The following CBLB variants were observed in gnomAD, a reference collection of about 807,000 sequenced individuals.
CBLB encodes the protein E3 ubiquitin-protein ligase CBL-B.
Under a neutral mutation model 104.9 loss-of-function variants are expected in CBLB, and 31 were observed. The ratio of observed to expected loss-of-function variants is 0.30; its 90% confidence interval spans 0.22 to 0.40. The LOEUF is 0.40. Ranked by LOEUF, CBLB falls within the 10% of genes least tolerant of loss-of-function variation. The pLI is 1.00. For synonymous variants in CBLB, 440 were observed against 422.6 expected, an observed-to-expected ratio of 1.04 and a Z score of -0.51; for missense variants, 1,062 against 1,214.6, an observed-to-expected ratio of 0.87 and a Z score of 1.87.
In CBLB at chr3:105,670,258, G is replaced by A. The variant is rs1699511616; in HGVS notation, c.2664C>T (p.Asp888=). 1 of 1,613,002 alleles carries A rather than the reference G, an allele frequency of 6.2e-7. No homozygotes were observed. Among genetic ancestry groups the A allele is most frequent in the Non-Finnish European group, 8.5e-7 (1 of 1,179,284 alleles). The change falls in exon 18 of 19, where the codon GAC becomes GAT. Residue 888 remains aspartate, a synonymous_variant. Coordinates refer to ENST00000394030, the MANE Select transcript of CBLB (RefSeq NM_170662.5). ...CTGAACATGAAGGAAGCTGATCATAGTCCTGTGATGTTCTGTTAGTTTTGA... is the reference window on the plus strand; with the variant it reads ...CTGAACATGAAGGAAGCTGATCATAATCCTGTGATGTTCTGTTAGTTTTGA... ...ENVKTNRTSQ[D]YDQLPSCSDG... is the part of the protein sequence containing the mutation.
At chr3:105,662,869 C>T (rs915013333) in intron 18 of CBLB, among the ~76,000 whole-genome samples, 1 of 152,144 alleles carries the variant, frequency 6.6e-6, no homozygotes, top group African/African-American at 2.4e-5. Flanking sequence ...TGTGGCCGAC[C>T]GCCACTGCTA....
intron 7 of CBLB, among the ~76,000 whole-genome samples, chr3:105,739,432 G>A (rs1349994601): frequency 6.6e-6 from 1 of 152,100 alleles, no homozygotes; most frequent in Non-Finnish European, 1.5e-5. Flanking sequence ...GCAAGGCAGA[G>A]GGGAAGAAAA....
intron 5 of CBLB, among the ~76,000 whole-genome samples, chr3:105,746,675 C>G (rs2076130136): frequency 6.6e-6 from 1 of 152,158 alleles, no homozygotes; most frequent in Admixed American, 6.6e-5. Flanking sequence ...TACCTCTTGC[C>G]ATATTCTTCA....
chr3:105,746,266 C>T (rs1046926553), intron 5 of CBLB, among the ~76,000 whole-genome samples: 4 of 152,098 alleles, frequency 2.6e-5, no homozygotes, highest in Admixed American at 6.5e-5. Flanking sequence ...GAAGAGAATA[C>T]AGAGAACAAA....
chr3:105,754,529 G>GAGAGAGAGAGAGAGAGAC (rs2076894475), intron 4 of CBLB, among the ~76,000 whole-genome samples: 36 of 84,626 alleles, frequency 4.3e-4, no homozygotes, highest in African/African-American at 1.5e-3. Context: ...GAGACAGAGA[G>GAGAGAGAGAGAGAGAGAC]AGAGAGAGAG....
intron 16 of CBLB, among the ~76,000 whole-genome samples, chr3:105,680,737 T>C (rs76229410): frequency 0.022 from 3,404 of 152,336 alleles, 88 homozygotes; most frequent in East Asian, 0.12. Context: ...AGCTTGTAAA[T>C]TGACTTTCAT....
At chr3:105,802,699 A>T (rs955400544) in intron 3 of CBLB, among the ~76,000 whole-genome samples, 1 of 98,278 alleles carries the variant, frequency 1.0e-5, no homozygotes, top group South Asian at 4.4e-4. Context: ...ACACACCTTC[A>T]ATCTGTACTT....
At position 105,659,165 on chromosome 3, in the gene CBLB, G is replaced by C. The variant is rs1177742521; in HGVS notation, c.2754C>G (p.His918Gln). Residue 918 changes from histidine (H) to glutamine (Q), a missense_variant, in exon 19 of 19, where the codon CAC becomes CAG. Physicochemically the swap from His to Gln is conservative, Grantham distance 24 (BLOSUM62 0). This residue lies in a region of CBLB where 605 missense variants were observed against 582.6 expected (regional missense o/e 1.04). Transcript: ENST00000394030. ...CCTCAGGCCCATGGGGTTTTCTGTG[G>C]TGAATTTCTGGTGCAGTCCTGCGCG... ...PRPRRTAPEI[H>Q]HRKPHGPEAA... 8 of 1,613,986 alleles carry C rather than the reference G, an allele frequency of 5.0e-6. No individual in the cohort carries two copies. Among genetic ancestry groups the C allele is most frequent in the Non-Finnish European group, 6.8e-6 (8 of 1,179,928 alleles).
chr3:105,739,363 G>A (rs908259645), intron 7 of CBLB, among the ~76,000 whole-genome samples: 1 of 151,878 alleles, frequency 6.6e-6, no homozygotes, highest in African/African-American at 2.4e-5. Flanking sequence ...TTTCCTTCTA[G>A]GTTTCTACCA....
chr3:105,732,769 C>T (rs2074452023), intron 9 of CBLB, among the ~76,000 whole-genome samples: 1 of 152,130 alleles, frequency 6.6e-6, no homozygotes, highest in Non-Finnish European at 1.5e-5. Context: ...GCCTCAATGT[C>T]CATCCTTCCT....
chr3:105,722,414 A>C (rs1559960151), intron 9 of CBLB, among the ~76,000 whole-genome samples: 2 of 152,130 alleles, frequency 1.3e-5, no homozygotes, highest in African/African-American at 4.8e-5. Context: ...CCCGACTTCA[A>C]CAATTATCAA....
At chr3:105,859,927 C>A (rs1159429163) in intron 2 of CBLB, among the ~76,000 whole-genome samples, 1 of 152,010 alleles carries the variant, frequency 6.6e-6, no homozygotes, top group Admixed American at 6.6e-5. Flanking sequence ...TTGGGCAAAA[C>A]AAAGTTGGCA....
chr3:105,778,698 T>C (rs973903035), intron 3 of CBLB, among the ~76,000 whole-genome samples: 4 of 152,176 alleles, frequency 2.6e-5, no homozygotes, highest in South Asian at 2.1e-4. Context: ...ATAATATACA[T>C]AAATGTTACA....
chr3:105,858,408 T>C (rs1188926670), intron 2 of CBLB, among the ~76,000 whole-genome samples: 1 of 152,170 alleles, frequency 6.6e-6, no homozygotes, highest in African/African-American at 2.4e-5. Context: ...AAAGGCAGTA[T>C]ATTAGAGAGA....
intron 2 of CBLB, among the ~76,000 whole-genome samples, chr3:105,862,946 C>A (rs559775508): frequency 2.0e-5 from 3 of 152,156 alleles, no homozygotes; most frequent in Non-Finnish European, 2.9e-5. Flanking sequence ...TTTATTTATA[C>A]TACCTTAAAG....
chr3:105,689,171 G>A (rs891333816), intron 13 of CBLB, among the ~76,000 whole-genome samples: 2 of 151,872 alleles, frequency 1.3e-5, no homozygotes, highest in African/African-American at 4.8e-5. Flanking sequence ...TCCCTAACTA[G>A]AGCTTAAATT....
At position 105,719,802 on chromosome 3, in the gene CBLB, C is replaced by T. The variant is rs571629457; in HGVS notation, c.1407+245G>A. Among the ~76,000 whole-genome samples, 11 of 152,142 alleles carry T rather than the reference C, an allele frequency of 7.2e-5. No individual in the cohort carries two copies. The East Asian group carries it at 9.7e-4, about 13-fold the overall frequency. ...CTTCAGGAGGTATTCTAGAAGAAGGCGTTGTTATCATAGGAGATGACAGCT... is the reference window on the plus strand; with the variant it reads ...CTTCAGGAGGTATTCTAGAAGAAGGTGTTGTTATCATAGGAGATGACAGCT... On this transcript the variant is annotated intron_variant, in intron 10 of 18. Transcript: ENST00000394030.
At chr3:105,721,628 A>G (rs984139925) in intron 9 of CBLB, among the ~76,000 whole-genome samples, 2 of 152,158 alleles carry the variant, frequency 1.3e-5, no homozygotes, top group African/African-American at 4.8e-5. Context: ...ACAGACATAT[A>G]AATATAGAAT....
At chr3:105,815,741 T>G (rs939527563) in intron 3 of CBLB, among the ~76,000 whole-genome samples, 4 of 152,138 alleles carry the variant, frequency 2.6e-5, no homozygotes, top group Admixed American at 1.3e-4. Flanking sequence ...TAAAGACACA[T>G]GCACACATGT....
Sources: gnomAD v4.1 joint callset for allele counts (sites outside exome capture counted in the v4.1 genomes callset) on GRCh38, gnomAD v4.1.1 for gene constraint, gnomAD v4.1.1 regional missense constraint, MANE v1.5 for transcripts, NCBI Gene and HGNC (gene_info 2026-07-23, HGNC 2026-07-21) for gene names.